PIK3R1: variants seen among roughly 807,000 people sequenced by gnomAD.
The protein encoded by PIK3R1 is phosphatidylinositol 3-kinase regulatory subunit alpha.
In PIK3R1, 29 loss-of-function variants were observed where a neutral mutation model predicts 98.0. The ratio of observed to expected loss-of-function variants is 0.30; its 90% CI spans 0.22 to 0.40. PIK3R1 has a LOEUF of 0.40. Ranked by LOEUF, PIK3R1 falls within the 10% of genes least tolerant of loss-of-function variation. The pLI is 1.00. For missense variants in PIK3R1, 596 were observed against 872.7 expected (o/e 0.68, Z 3.99); for synonymous variants, 282 against 311.8 (o/e 0.90, Z 1.01).
At chr5:68,297,216 AT>A (rs770554068) in intron 15 of PIK3R1, among the ~76,000 whole-genome samples, 195 bp from the exon 16 acceptor site, 6 of 152,188 alleles carry the variant, frequency 3.9e-5, no homozygotes, top group African/African-American at 1.4e-4. Flanking sequence ...CCTTTAAACC[AT>A]TTTAAAGATG....
rs754675380 is a variant in PIK3R1, at chr5:68,236,223, A to T, written c.334+9214A>T. Among the ~76,000 whole-genome samples, 155 of 150,658 alleles carry T rather than the reference A, an allele frequency of 1.0e-3. 4 individuals are homozygous for T. The highest frequency in any genetic ancestry group is 5.9e-4 in the Non-Finnish European group (40 of 67,688). ...TTTGACGCTCACAACCACCCTGCAA[A>T]GATGGCATATTATAACCTTTTTTTG... is the stretch of plus-strand genomic sequence containing the variant. On this transcript the variant is annotated intron_variant, in intron 2 of 15. Coordinates refer to ENST00000521381, the MANE Select transcript of PIK3R1 (RefSeq NM_181523.3).
intron 9 of PIK3R1, 40 bp from the exon 10 acceptor site, chr5:68,293,263 C>T (rs2112256192): frequency 6.3e-7 from 1 of 1,594,486 alleles, no homozygotes; most frequent in East Asian, 2.2e-5. Context: ...TTTCCTTATT[C>T]CAAAATGTTA....
At chr5:68,247,927 G>T (rs935984592) in intron 2 of PIK3R1, among the ~76,000 whole-genome samples, 3 of 151,926 alleles carry the variant, frequency 2.0e-5, no homozygotes, top group East Asian at 1.9e-4. Context: ...TGTCCTTAAG[G>T]TGCATTTGAT....
intron 2 of PIK3R1, 67 bp from the exon 3 acceptor site, chr5:68,273,323 C>T: frequency 7.4e-7 from 1 of 1,346,712 alleles, no homozygotes; most frequent in Non-Finnish European, 1.1e-6. Flanking sequence ...TTTGTACGTC[C>T]TTCATTGTGG....
intron 2 of PIK3R1, among the ~76,000 whole-genome samples, chr5:68,269,897 A>G (rs887726194): frequency 2.0e-5 from 3 of 150,414 alleles, no homozygotes; most frequent in Admixed American, 6.7e-5. Context: ...AAAAAAAAAA[A>G]TCCCTGTAAA....
chr5:68,288,591 ACTCTC>A (rs1309784043), intron 7 of PIK3R1: 1 of 1,535,772 alleles, frequency 6.5e-7, no homozygotes, highest in African/African-American at 1.4e-5. Context: ...TCCTGCGCGC[ACTCTC>A]GGCGCCGGAC....
intron 6 of PIK3R1, 67 bp from the exon 7 acceptor site, chr5:68,280,860 A>G: frequency 8.0e-7 from 1 of 1,244,876 alleles, no homozygotes; most frequent in Non-Finnish European, 1.2e-6. Flanking sequence ...CATTCACTTG[A>G]GTGTATATAA....
intron 2 of PIK3R1, among the ~76,000 whole-genome samples, chr5:68,230,665 T>C (rs989436911): frequency 6.6e-6 from 1 of 152,232 alleles, no homozygotes; most frequent in Non-Finnish European, 1.5e-5. Flanking sequence ...ATTAAGCTGA[T>C]AGTACCTTCA....
chr5:68,288,528 CAAGCG>C (rs1580254571), intron 7 of PIK3R1: 1 of 1,366,480 alleles, frequency 7.3e-7, no homozygotes. Flanking sequence ...CGAGCCGAGC[CAAGCG>C]GAGCTGGGCC....
chr5:68,219,834 C>A (rs2111931629), intron 1 of PIK3R1, among the ~76,000 whole-genome samples: 1 of 152,276 alleles, frequency 6.6e-6, no homozygotes, highest in East Asian at 1.9e-4. Flanking sequence ...ACATTCAATA[C>A]TAATAGAAAT....
chr5:68,252,700 A>G lies in PIK3R1; in HGVS notation c.335-20690A>G, dbSNP rs577240063. Among the ~76,000 whole-genome samples the G allele has an allele frequency of 1.5e-4, 23 of 152,302 alleles. 2 individuals carry two copies. Among genetic ancestry groups the G allele is most frequent in the Admixed American group, 1.4e-3 (22 of 15,298 alleles). ...CTGATAATCAGAACAAAGATTTGCA[A>G]TTTCTAGGACAGATCCCCAATTTTG... is the stretch of plus-strand genomic sequence containing the variant. On this transcript the variant is annotated intron_variant, in intron 2 of 15. Coordinates refer to ENST00000521381, the MANE Select transcript of PIK3R1 (RefSeq NM_181523.3).
intron 2 of PIK3R1, among the ~76,000 whole-genome samples, chr5:68,242,841 A>G (rs1467388521): frequency 1.3e-5 from 2 of 152,172 alleles, no homozygotes; most frequent in Admixed American, 6.5e-5. Context: ...CCTGGTTTGT[A>G]TTTAGTCAAG....
Position 68,293,143 on chromosome 5 carries a change from C to T in PIK3R1, c.1062C>T (p.Thr354=), listed in dbSNP as rs2112253136. 1.2e-6 allele frequency: 2 copies of T among 1,613,818 alleles called. No homozygotes were observed. Among genetic ancestry groups the T allele is most frequent in the Non-Finnish European group, 1.7e-6 (2 of 1,179,824 alleles). ...NEKLRDTADG[T]FLVRDASTKM... The stretch of plus-strand genomic sequence containing the variant: ...AACTTCGAGATACAGCAGACGGGAC[C>T]TTTTTGGTACGAGATGCGTCTACTA... The change falls in exon 9 of 16, where the codon ACC becomes ACT. Residue 354 remains threonine, a synonymous_variant. Transcript: ENST00000521381.
chr5:68,279,490 T>G, intron 4 of PIK3R1, 112 bp from the exon 5 acceptor site: 1 of 782,350 alleles, frequency 1.3e-6, no homozygotes, highest in Non-Finnish European at 2.0e-6. Flanking sequence ...TCATATTGCT[T>G]CCTTATTTTT....
chr5:68,282,244 G>A (rs1178064056), intron 7 of PIK3R1, among the ~76,000 whole-genome samples: 3 of 152,182 alleles, frequency 2.0e-5, no homozygotes, highest in Non-Finnish European at 4.4e-5. Context: ...GCTTCATCTC[G>A]TGTGAGTACA....
intron 7 of PIK3R1, chr5:68,288,530 A>G: frequency 7.2e-7 from 1 of 1,384,602 alleles, no homozygotes; most frequent in Non-Finnish European, 9.3e-7. Flanking sequence ...AGCCGAGCCA[A>G]GCGGAGCTGG....
intron 2 of PIK3R1, among the ~76,000 whole-genome samples, chr5:68,271,446 G>A (rs924354920): frequency 3.3e-5 from 5 of 152,082 alleles, no homozygotes; most frequent in Non-Finnish European, 7.4e-5. Flanking sequence ...CTTTAGAGTG[G>A]GATCTCTAAC....
chr5:68,280,372 A>T, intron 5 of PIK3R1, 156 bp from the exon 6 acceptor site: 1 of 640,504 alleles, frequency 1.6e-6, no homozygotes, highest in South Asian at 1.9e-5. Context: ...GCGTTTTCTA[A>T]TGAGAAGGAC....
Position 68,251,959 on chromosome 5 carries a change from T to C in PIK3R1, c.335-21431T>C, listed in dbSNP as rs563379461. On this transcript the variant is annotated intron_variant, in intron 2 of 15. Coordinates refer to ENST00000521381, the MANE Select transcript of PIK3R1 (RefSeq NM_181523.3). ...TCTGGTTGGATCATGAGTTTGGGCT[T>C]GGAAAGCACTGCCTCAAGTTCATCA... 3.9e-5 allele frequency among the ~76,000 whole-genome samples: 6 copies of C among 152,220 alleles called. No individual in the cohort carries two copies. The South Asian group carries it at 1.2e-3, about 32-fold the overall frequency.
Sources: allele counts gnomAD v4.1 joint callset (sites outside exome capture counted in the v4.1 genomes callset), GRCh38; gene constraint gnomAD v4.1.1; transcripts MANE v1.5; gene names NCBI Gene and HGNC (gene_info 2026-07-23, HGNC 2026-07-21).